The following MYCBP2 variants were observed in gnomAD, a reference collection of about 807,000 sequenced individuals.
MYCBP2 encodes the protein E3 ubiquitin-protein ligase MYCBP2.
Under a neutral mutation model 525.3 loss-of-function variants are expected in MYCBP2, and 120 were observed. The ratio of observed to expected loss-of-function variants is 0.23; its 90% CI spans 0.20 to 0.27. The LOEUF is 0.27. MYCBP2 is among the 10% of genes least tolerant of loss of function. MYCBP2 has a pLI of 1.00. For missense variants in MYCBP2, 4,149 were observed against 5,657.1 expected, an observed-to-expected ratio of 0.73 and a Z score of 8.55; for synonymous variants, 1,894 against 1,955.8, an observed-to-expected ratio of 0.97 and a Z score of 0.83.
intron 60 of MYCBP2, 62 bp from the exon 61 acceptor site, chr13:77,089,093 AT>A (rs1204863346): frequency 2.6e-6 from 3 of 1,146,922 alleles, no homozygotes; most frequent in Non-Finnish European, 3.6e-6. Flanking sequence ...TAAGATAATA[AT>A]ATCTAATATA....
At chr13:77,139,385 T>C (rs373547435) in intron 51 of MYCBP2, 49 bp from the exon 52 acceptor site, 7 of 1,589,466 alleles carry the variant, frequency 4.4e-6, no homozygotes, top group African/African-American at 4.0e-5. Flanking sequence ...GTAAGTCCTA[T>C]GAGGCTAGCA....
At position 77,159,579 on chromosome 13, in the gene MYCBP2, C is replaced by T. The variant is rs529474856; in HGVS notation, c.6598-1470G>A. On this transcript the variant is annotated intron_variant, in intron 44 of 82. Transcript: ENST00000544440. ...GGGGGAGTGACCTGGCGGGAGGTGACTGAATCATGGGGGCAGACTTCCCCC... is the reference window on the plus strand; with the variant it reads ...GGGGGAGTGACCTGGCGGGAGGTGATTGAATCATGGGGGCAGACTTCCCCC... Among the ~76,000 whole-genome samples the T allele has an allele frequency of 7.4e-3, 1,120 of 152,278 alleles. 7 individuals are homozygous for T. Among genetic ancestry groups the T allele is most frequent in the Non-Finnish European group, 0.011 (748 of 68,014 alleles).
intron 52 of MYCBP2, among the ~76,000 whole-genome samples, chr13:77,138,065 C>T (rs1006210920): frequency 5.9e-5 from 9 of 152,026 alleles, no homozygotes; most frequent in African/African-American, 9.7e-5. Context: ...TTTAATAAGA[C>T]GTAATTGATG....
chr13:77,049,409 T>C (rs1387784572), intron 82 of MYCBP2, among the ~76,000 whole-genome samples: 1 of 152,062 alleles, frequency 6.6e-6, no homozygotes. Flanking sequence ...TTGAAATGGA[T>C]AGTATATGTT....
At chr13:77,052,723 A>G (rs575874680) in intron 80 of MYCBP2, among the ~76,000 whole-genome samples, 2 of 152,376 alleles carry the variant, frequency 1.3e-5, no homozygotes, top group South Asian at 4.1e-4. Flanking sequence ...TTCCCAATTT[A>G]TAATACTGTA....
chr13:77,112,868 A>G (rs1396913986), intron 55 of MYCBP2, among the ~76,000 whole-genome samples: 4 of 152,174 alleles, frequency 2.6e-5, no homozygotes, highest in African/African-American at 9.7e-5. Flanking sequence ...TCCATTAACA[A>G]ACAAAATAGA....
chr13:77,291,723 T>A (rs1378308162), intron 2 of MYCBP2, among the ~76,000 whole-genome samples: 1 of 150,458 alleles, frequency 6.6e-6, no homozygotes, highest in East Asian at 1.9e-4. Flanking sequence ...GCCGAGATCG[T>A]GCCATTGCAC....
chr13:77,125,430 C>T lies in MYCBP2; in HGVS notation c.7923G>A (p.Gln2641=). Residue 2641 remains glutamine, a synonymous_variant, in exon 54 of 83, where the codon CAG becomes CAA. Transcript: ENST00000544440. ...TCTCACAGAACTCTACCATGCTGTT[C>T]TGATCCAGTTGCACCCATGTCCCTT... ...NSEGTWVQLD[Q]NSMVEFCESD... The T allele has an allele frequency of 6.2e-7, 1 of 1,614,010 alleles. No homozygotes were observed. Among genetic ancestry groups the T allele is most frequent in the Non-Finnish European group, 8.5e-7 (1 of 1,179,870 alleles).
intron 66 of MYCBP2, chr13:77,077,686 A>G (rs1313362198): frequency 7.8e-6 from 2 of 257,152 alleles, no homozygotes; most frequent in Non-Finnish European, 7.4e-6. Context: ...GAGCAAAATT[A>G]TATGAGTGAA....
At chr13:77,130,570 G>A (rs1358818447) in intron 52 of MYCBP2, among the ~76,000 whole-genome samples, 1 of 151,846 alleles carries the variant, frequency 6.6e-6, no homozygotes, top group Non-Finnish European at 1.5e-5. Flanking sequence ...AAAGCCAACT[G>A]CCCCCTAATT....
At chr13:77,282,163 C>A (rs965907190) in intron 3 of MYCBP2, among the ~76,000 whole-genome samples, 1 of 152,130 alleles carries the variant, frequency 6.6e-6, no homozygotes, top group African/African-American at 2.4e-5. Flanking sequence ...ATAATCCCAG[C>A]ACTTTGGGAG....
At chr13:77,279,637 A>C (rs1407495301) in intron 3 of MYCBP2, among the ~76,000 whole-genome samples, 1 of 152,184 alleles carries the variant, frequency 6.6e-6, no homozygotes, top group African/African-American at 2.4e-5. Context: ...AGAAACTCCC[A>C]AAACCATTAA....
intron 17 of MYCBP2, among the ~76,000 whole-genome samples, chr13:77,238,014 C>A (rs1168389610): frequency 6.6e-6 from 1 of 151,896 alleles, no homozygotes; most frequent in South Asian, 2.1e-4. Flanking sequence ...GAGGCCAAGG[C>A]AGGCGGATTA....
intron 14 of MYCBP2, among the ~76,000 whole-genome samples, chr13:77,253,202 T>G (rs2071529574): frequency 6.6e-6 from 1 of 151,842 alleles, no homozygotes; most frequent in Non-Finnish European, 1.5e-5. Flanking sequence ...ATGTTCAAAC[T>G]CAGTATTAAT....
rs1486598888 is a variant in MYCBP2, at chr13:77,313,499, CT to C, written c.302+12974del. On this transcript the variant is annotated intron_variant, in intron 1 of 82. Coordinates refer to ENST00000544440, the MANE Select transcript of MYCBP2 (RefSeq NM_015057.5). ...AAATTAACTCAAAATGGAAAACGGACTTTATATGTAAAATGCAAAACTATAA... is the reference window on the plus strand; with the variant it reads ...AAATTAACTCAAAATGGAAAACGGACTTATATGTAAAATGCAAAACTATAA... 1.6e-4 allele frequency among the ~76,000 whole-genome samples: 24 copies of C among 152,090 alleles called. No homozygotes were observed. The South Asian group carries it at 2.1e-3, about 13-fold the overall frequency.
chr13:77,098,941 T>C lies in MYCBP2; in HGVS notation c.8213A>G (p.His2738Arg). 1.2e-6 allele frequency: 2 copies of C among 1,613,340 alleles called. No homozygotes were observed. Among genetic ancestry groups the C allele is most frequent in the East Asian group, 2.2e-5 (1 of 44,858 alleles). Residue 2738 changes from histidine (H) to arginine (R), a missense_variant, in exon 56 of 83, where the codon CAC (histidine) becomes CGC (arginine). By Grantham distance (29) the His-to-Arg change is conservative (BLOSUM62 0). This residue lies in a region of MYCBP2 where 653 missense variants were observed against 744.7 expected (regional missense o/e 0.88). Coordinates refer to ENST00000544440, the MANE Select transcript of MYCBP2 (RefSeq NM_015057.5). ...TSGKSELSSK[H>R]SRSLKPDGRM... is the part of the protein sequence containing the mutation. Reference sequence around the variant, plus strand: ...TCCATCAGGTTTAAGCGATCTGCTGTGTTTAGAGGACAGCTCTGATTTTCC... The same window carrying C: ...TCCATCAGGTTTAAGCGATCTGCTGCGTTTAGAGGACAGCTCTGATTTTCC...
At chr13:77,052,032 T>C in intron 80 of MYCBP2, 114 bp from the exon 81 acceptor site, 3 of 743,496 alleles carry the variant, frequency 4.0e-6, no homozygotes. Context: ...TACCATTATC[T>C]ACTAGACCAT....
At chr13:77,075,432 C>CAGCA (rs2042111235) in intron 68 of MYCBP2, 2 of 152,180 alleles carry the variant, frequency 1.3e-5, no homozygotes, top group African/African-American at 4.8e-5. Context: ...AGCATACACT[C>CAGCA]TCCCACCCTT....
At position 77,226,263 on chromosome 13, in the gene MYCBP2, T is replaced by C. The variant is rs189529735; in HGVS notation, c.2738-709A>G. On this transcript the variant is annotated intron_variant, in intron 18 of 82. Transcript: ENST00000544440. The stretch of plus-strand genomic sequence containing the variant: ...TCCTCCCTTCTCACAATTTCCTTCA[T>C]TGAGCTTGCTTTAAGCCTTTTCTTT... Among the ~76,000 whole-genome samples the C allele has an allele frequency of 2.5e-4, 38 of 152,288 alleles. No homozygotes were observed. In the East Asian group the frequency reaches 6.4e-3, roughly 26 times the overall value.
Sources: gnomAD v4.1 joint callset for allele counts (sites outside exome capture counted in the v4.1 genomes callset) on GRCh38, gnomAD v4.1.1 for gene constraint, gnomAD v4.1.1 regional missense constraint, MANE v1.5 for transcripts, NCBI Gene and HGNC (gene_info 2026-07-23, HGNC 2026-07-21) for gene names.